The following GK variants were observed in gnomAD, a reference collection of about 807,000 sequenced individuals.
The protein encoded by GK is glycerol kinase.
GK carries 9 observed loss-of-function variants against 56.4 expected under a neutral mutation model. The observed-to-expected ratio is 0.16, with a 90% CI of 0.10 to 0.28. The LOEUF (loss-of-function observed/expected upper bound fraction) is 0.28, where lower values mean the gene tolerates loss of function less well. Among genes scored for constraint, GK ranks in the 10% least tolerant of loss-of-function variants. The pLI, the probability that GK is intolerant of heterozygous loss-of-function variation, is 1.00. For missense variants in GK, 161 were observed against 431.4 expected, an observed-to-expected ratio of 0.37 and a Z score of 5.55; for synonymous variants, 104 against 144.1, an observed-to-expected ratio of 0.72 and a Z score of 1.99.
chrX:30,674,490 A>C (rs1323777684), intron 3 of GK: 2 of 282,353 alleles, frequency 7.1e-6, no homozygotes, highest in Non-Finnish European at 1.4e-5. Flanking sequence ...TCCTGTCACT[A>C]CATCAGTCAG....
chrX:30,662,866 TTTCTC>T (rs1932825384), intron 1 of GK, among the ~76,000 whole-genome samples: 1 of 52,419 alleles, frequency 1.9e-5, no homozygotes, highest in Non-Finnish European at 3.4e-5. Context: ...TCTTTCTTTC[TTTCTC>T]TTTCTTTCTT....
intron 1 of GK, among the ~76,000 whole-genome samples, chrX:30,660,993 T>C (rs1352249463): frequency 9.2e-6 from 1 of 109,147 alleles, no homozygotes; most frequent in Non-Finnish European, 1.9e-5. Context: ...TTTGTGTTTT[T>C]AGTAGGGACG....
At chrX:30,664,031 TTATAG>T (rs1932881677) in intron 1 of GK, among the ~76,000 whole-genome samples, 1 of 87,360 alleles carries the variant, frequency 1.1e-5, no homozygotes, top group Non-Finnish European at 2.1e-5. Context: ...TATATATATT[TTATAG>T]ATATATATTT....
intron 4 of GK, among the ~76,000 whole-genome samples, chrX:30,679,343 A>T (rs1934145893): frequency 9.3e-6 from 1 of 107,620 alleles, no homozygotes; most frequent in Admixed American, 1.0e-4. Context: ...TCGGCCTCCC[A>T]AGTAGCTGGG....
At chrX:30,687,252 T>C (rs917565719) in intron 4 of GK, among the ~76,000 whole-genome samples, 3 of 111,657 alleles carry the variant, frequency 2.7e-5, no homozygotes, top group African/African-American at 9.8e-5. Flanking sequence ...AGGATGCATA[T>C]ATGTTGCCAG....
chrX:30,676,706 A>T (rs1933924369), intron 3 of GK, among the ~76,000 whole-genome samples: 1 of 111,911 alleles, frequency 8.9e-6, no homozygotes, highest in Admixed American at 9.6e-5. Flanking sequence ...AGCTGAATTG[A>T]ATAAGATAGT....
At chrX:30,676,082 C>T (rs74708469) in intron 3 of GK, among the ~76,000 whole-genome samples, 11,211 of 111,751 alleles carry the variant, frequency 0.1, 615 homozygotes, top group East Asian at 0.39. Flanking sequence ...CAAGCCACCA[C>T]GCCAGGCCAT....
At chrX:30,715,081 T>G (rs1303845464) in intron 13 of GK, among the ~76,000 whole-genome samples, 3 of 112,165 alleles carry the variant, frequency 2.7e-5, no homozygotes, top group Non-Finnish European at 5.6e-5. Context: ...CTGTGTTTGC[T>G]ATGCCTGATG....
In GK at chrX:30,729,014, A is replaced by G. The variant is rs1937254876; in HGVS notation, c.*272A>G. 2.7e-6 allele frequency: 1 copy of G among 374,427 alleles called. No homozygotes were observed. Among genetic ancestry groups the G allele is most frequent in the African/African-American group, 2.5e-5 (1 of 39,313 alleles). The allele number at this position is 374,427 out of a possible 1,213,427, so 30.9% of individuals were successfully genotyped here. A position where few individuals can be genotyped will look rare whatever the true frequency, so the allele number is the denominator to read the frequency against. On this transcript the variant is annotated 3_prime_UTR_variant, in exon 21 of 21. Coordinates refer to ENST00000427190, the MANE Select transcript of GK (RefSeq NM_001205019.2). The stretch of plus-strand genomic sequence containing the variant: ...TTTGGGGCTGACCCCCTCCATTGCC[A>G]TAACATCCTGCTCCATTCCCTCTAA...
chrX:30,679,651 T>C (rs1464872773), intron 4 of GK, among the ~76,000 whole-genome samples: 1 of 111,875 alleles, frequency 8.9e-6, no homozygotes, highest in Non-Finnish European at 1.9e-5. Context: ...ACTTATTTCC[T>C]TCTCTTCTGC....
intron 9 of GK, among the ~76,000 whole-genome samples, chrX:30,699,147 C>G (rs1367010347): frequency 1.9e-5 from 2 of 102,633 alleles, no homozygotes; most frequent in Non-Finnish European, 3.9e-5. Flanking sequence ...GGTGCTCATC[C>G]TAGTACATCA....
intron 3 of GK, among the ~76,000 whole-genome samples, chrX:30,668,742 A>C (rs1243208283): frequency 9.0e-6 from 1 of 111,668 alleles, no homozygotes. Flanking sequence ...AAGTTTAAGC[A>C]AGGCGGCAAG....
intron 1 of GK, among the ~76,000 whole-genome samples, chrX:30,660,481 T>A (rs974181546): frequency 9.0e-6 from 1 of 111,307 alleles, no homozygotes; most frequent in Non-Finnish European, 1.9e-5. Context: ...GTGGGAGTAG[T>A]AATTGTAATA....
At chrX:30,718,347 C>T (rs751338416) in intron 13 of GK, among the ~76,000 whole-genome samples, 191 bp from the exon 14 acceptor site, 1 of 111,801 alleles carries the variant, frequency 8.9e-6, no homozygotes, top group Non-Finnish European at 1.9e-5. Context: ...TTCCTCATCC[C>T]GTGAAAAACT....
intron 9 of GK, among the ~76,000 whole-genome samples, chrX:30,699,214 T>TACATGTTATGTATA (rs1935435451): frequency 1.0e-5 from 1 of 99,210 alleles, no homozygotes; most frequent in African/African-American, 3.7e-5. Context: ...GTTATATATA[T>TACATGTTATGTATA]ACATGTTATA....
intron 2 of GK, among the ~76,000 whole-genome samples, 159 bp downstream of exon 2, chrX:30,665,743 T>A: frequency 8.9e-6 from 1 of 112,201 alleles, no homozygotes; most frequent in Non-Finnish European, 1.9e-5. Context: ...ACTTGGTATG[T>A]CTTACATGTG....
In GK at chrX:30,669,278, G is replaced by A. The variant is rs767442704; in HGVS notation, c.259+1160G>A. Among the ~76,000 whole-genome samples, 90 of 107,226 alleles carry A rather than the reference G, an allele frequency of 8.4e-4. 1 individual carries two copies. Among genetic ancestry groups the A allele is most frequent in the Non-Finnish European group, 1.6e-3 (84 of 51,953 alleles). The allele number at this position is 107,226 out of a possible 115,157, so 93.1% of individuals were successfully genotyped here. On this transcript the variant is annotated intron_variant, in intron 3 of 20. Transcript: ENST00000427190. The stretch of plus-strand genomic sequence containing the variant: ...GCTCACTGCAACTTCCACCTCCCAG[G>A]TTCAAGCAATTCTCCTGCCTCAGCC...
chrX:30,680,491 C>T lies in GK; in HGVS notation c.337+3039C>T, dbSNP rs192939210. Among the ~76,000 whole-genome samples the T allele has an allele frequency of 6.3e-4, 70 of 111,804 alleles. No homozygotes were observed. The East Asian group carries it at 7.6e-3, about 12-fold the overall frequency. On this transcript the variant is annotated intron_variant, in intron 4 of 20. Transcript: ENST00000427190. ...TGCAGTGTAGTGTAGACTTAAAACA[C>T]GGGGCAGCTTGAGGCAAAACAGATG...
intron 18 of GK, among the ~76,000 whole-genome samples, chrX:30,723,374 G>A (rs1272655574): frequency 3.7e-5 from 4 of 107,473 alleles, no homozygotes; most frequent in African/African-American, 6.8e-5. Flanking sequence ...CAGCCTGGGC[G>A]ACAGAGCGAG....
Sources: gnomAD v4.1 joint callset for allele counts (sites outside exome capture counted in the v4.1 genomes callset) on GRCh38, gnomAD v4.1.1 for gene constraint, MANE v1.5 for transcripts, NCBI Gene and HGNC (gene_info 2026-07-23, HGNC 2026-07-21) for gene names.